The following HECW2 variants were observed in gnomAD, a reference collection of about 807,000 sequenced individuals.
HECW2 encodes the protein E3 ubiquitin-protein ligase HECW2.
Under a neutral mutation model 175.2 loss-of-function variants are expected in HECW2, and 61 were observed. That is an observed-to-expected ratio of 0.35 (90% CI 0.28 to 0.43). The LOEUF is 0.43. Ranked by LOEUF, HECW2 falls within the 20% of genes least tolerant of loss-of-function variation. HECW2 has a pLI of 1.00. For missense variants in HECW2, 1,524 were observed against 2,000.5 expected (o/e 0.76, Z 4.54); for synonymous variants, 671 against 731.0 (o/e 0.92, Z 1.32).
Position 196,220,023 on chromosome 2 carries a change from A to G in HECW2, c.4408+16T>C. 2 of 1,478,482 alleles carry G rather than the reference A, an allele frequency of 1.4e-6. No homozygotes were observed. The highest frequency in any genetic ancestry group is 1.1e-5 in the South Asian group (1 of 88,224). 91.6% of individuals were successfully genotyped at this position (1,478,482 alleles called of 1,614,324 possible). ...TTTGAAATTTAAAATCTAGCCATCT[A>G]TAAATCAAATTTCACCTCCTCTATA... is the stretch of plus-strand genomic sequence containing the variant. On this transcript the variant is annotated intron_variant, in intron 26 of 28. Transcript: ENST00000644978.
intron 22 of HECW2, among the ~76,000 whole-genome samples, chr2:196,226,503 T>A (rs1687856441): frequency 6.6e-6 from 1 of 152,204 alleles, no homozygotes; most frequent in Admixed American, 6.5e-5. Context: ...TCAGTTTCAC[T>A]CATATTTAGA....
chr2:196,485,129 A>T (rs1686956708), intron 1 of HECW2, among the ~76,000 whole-genome samples: 1 of 152,188 alleles, frequency 6.6e-6, no homozygotes, highest in African/African-American at 2.4e-5. Context: ...TAAGAGTGGG[A>T]TCACAAGAGA....
intron 2 of HECW2, among the ~76,000 whole-genome samples, chr2:196,413,195 A>C (rs1157364792): frequency 6.6e-6 from 1 of 152,180 alleles, no homozygotes; most frequent in East Asian, 1.9e-4. Flanking sequence ...ACTACAAAAA[A>C]ATTAAAAAAT....
chr2:196,235,144 C>T (rs1688196560), intron 21 of HECW2, among the ~76,000 whole-genome samples: 1 of 147,820 alleles, frequency 6.8e-6, no homozygotes, highest in Admixed American at 6.9e-5. Context: ...GTCGCCCAGG[C>T]TGGAGTGCAG....
intron 1 of HECW2, among the ~76,000 whole-genome samples, chr2:196,549,956 AGGAG>A (rs1452164837): frequency 6.6e-6 from 1 of 152,236 alleles, no homozygotes; most frequent in African/African-American, 2.4e-5. Flanking sequence ...CAGTGGTTGA[AGGAG>A]ACAGGCATTT....
intron 1 of HECW2, among the ~76,000 whole-genome samples, chr2:196,516,233 G>A (rs1688143284): frequency 6.6e-6 from 1 of 152,176 alleles, no homozygotes; most frequent in East Asian, 1.9e-4. Flanking sequence ...GGTTTAGGAA[G>A]CAAGCTCATT....
At chr2:196,265,666 A>G (rs1329928396) in intron 17 of HECW2, among the ~76,000 whole-genome samples, 1 of 152,216 alleles carries the variant, frequency 6.6e-6, no homozygotes, top group Non-Finnish European at 1.5e-5. Flanking sequence ...AAAGAAGTGA[A>G]GGGCACACTA....
At chr2:196,358,849 T>A in intron 2 of HECW2, among the ~76,000 whole-genome samples, 1 of 152,188 alleles carries the variant, frequency 6.6e-6, no homozygotes, top group East Asian at 1.9e-4. Context: ...AAGTCCTTAC[T>A]GTACAGTGAT....
intron 1 of HECW2, among the ~76,000 whole-genome samples, chr2:196,541,363 G>A (rs1285532837): frequency 6.6e-6 from 1 of 152,048 alleles, no homozygotes; most frequent in Non-Finnish European, 1.5e-5. Flanking sequence ...TTATATCTAT[G>A]GAAACCAAGT....
rs148665273 is a variant in HECW2, at chr2:196,321,600, A to G, written c.884+878T>C. On this transcript the variant is annotated intron_variant, in intron 7 of 28. Coordinates refer to ENST00000644978, the MANE Select transcript of HECW2 (RefSeq NM_001348768.2). ...TTTTTAGTAGAGACAGGGTTTCACT[A>G]TGTTGGCCAGGCTGGTCTCGAACTC... Among the ~76,000 whole-genome samples the G allele has an allele frequency of 3.7e-3, 569 of 152,126 alleles. 3 individuals carry two copies. The highest frequency in any genetic ancestry group is 0.013 in the African/African-American group (534 of 41,504).
intron 2 of HECW2, among the ~76,000 whole-genome samples, chr2:196,432,738 A>T (rs1695751339): frequency 6.6e-6 from 1 of 152,248 alleles, no homozygotes; most frequent in Admixed American, 6.5e-5. Context: ...AAAATATGTC[A>T]TCTAAATCTA....
intron 28 of HECW2, among the ~76,000 whole-genome samples, chr2:196,207,718 G>C (rs558915217): frequency 3.3e-5 from 5 of 152,308 alleles, no homozygotes; most frequent in African/African-American, 1.2e-4. Context: ...ACAAGGTTCG[G>C]CACTTAGTAA....
At chr2:196,492,257 G>A (rs1687226137) in intron 1 of HECW2, among the ~76,000 whole-genome samples, 1 of 152,176 alleles carries the variant, frequency 6.6e-6, no homozygotes, top group Non-Finnish European at 1.5e-5. Context: ...CAAACCAAGT[G>A]TCACTTTGTT....
At chr2:196,394,080 A>G (rs1407239815) in intron 2 of HECW2, among the ~76,000 whole-genome samples, 1 of 149,534 alleles carries the variant, frequency 6.7e-6, no homozygotes, top group Admixed American at 6.7e-5. Context: ...TCTCACTCAT[A>G]GGTGGGAACT....
At chr2:196,470,985 G>A (rs72914636) in intron 1 of HECW2, among the ~76,000 whole-genome samples, 31,753 of 149,168 alleles carry the variant, frequency 0.21, 3,838 homozygotes, top group African/African-American at 0.34. Flanking sequence ...GCCACAATGC[G>A]ATATTATTTC....
chr2:196,500,358 A>C (rs769454864), intron 1 of HECW2, among the ~76,000 whole-genome samples: 3 of 152,204 alleles, frequency 2.0e-5, no homozygotes, highest in Non-Finnish European at 2.9e-5. Flanking sequence ...GGACCACTTC[A>C]TCATACTTAC....
intron 13 of HECW2, among the ~76,000 whole-genome samples, chr2:196,303,134 A>T (rs1240282457): frequency 3.3e-5 from 5 of 152,168 alleles, no homozygotes; most frequent in Non-Finnish European, 7.3e-5. Flanking sequence ...GCGATGTTGA[A>T]TTTTATCGAA....
In HECW2 at chr2:196,222,345, G is replaced by T; in HGVS notation, c.4017-5C>A. ...AGGTCACTCAGGTCACATAGACTAA[G>T]ATGACAAACAGACAGAAACAAATAT... On this transcript the variant is annotated splice_polypyrimidine_tract_variant and splice_region_variant and intron_variant, in intron 23 of 28. Coordinates refer to ENST00000644978, the MANE Select transcript of HECW2 (RefSeq NM_001348768.2). The T allele has an allele frequency of 6.2e-7, 1 of 1,612,196 alleles. No individual in the cohort carries two copies. The highest frequency in any genetic ancestry group is 8.5e-7 in the Non-Finnish European group (1 of 1,179,182).
At chr2:196,363,897 A>T (rs898694130) in intron 2 of HECW2, among the ~76,000 whole-genome samples, 1 of 152,166 alleles carries the variant, frequency 6.6e-6, no homozygotes, top group Non-Finnish European at 1.5e-5. Flanking sequence ...TCTTTTTGGC[A>T]TCAAAGTTGG....
Sources: allele counts gnomAD v4.1 joint callset (sites outside exome capture counted in the v4.1 genomes callset), GRCh38; gene constraint gnomAD v4.1.1; transcripts MANE v1.5; gene names NCBI Gene and HGNC (gene_info 2026-07-23, HGNC 2026-07-21).